Variants in FSTL5 observed in about 807,000 individuals in gnomAD.
FSTL5 encodes follistatin like 5, also known as follistatin-related protein 5.
FSTL5 carries 62 observed loss-of-function variants against 89.1 expected under a neutral mutation model. The ratio of observed to expected loss-of-function variants is 0.70; its 90% CI spans 0.57 to 0.86. FSTL5 has a LOEUF of 0.86. FSTL5 is among the 40% of genes least tolerant of loss of function. The probability of loss-of-function intolerance (pLI) is 0.00; values close to 1 mark genes in which losing one functional copy is unlikely to be tolerated. For synonymous variants in FSTL5, 383 were observed against 346.2 expected, an observed-to-expected ratio of 1.11 and a Z score of -1.18; for missense variants, 1,057 against 1,001.6, an observed-to-expected ratio of 1.06 and a Z score of -0.75.
chr4:161,897,375 C>A (rs1467840140), intron 4 of FSTL5, among the ~76,000 whole-genome samples: 1 of 150,788 alleles, frequency 6.6e-6, no homozygotes, highest in East Asian at 1.9e-4. Context: ...GATATGATAC[C>A]TACAACTTGT....
chr4:161,531,068 G>T (rs1186473034), intron 10 of FSTL5, among the ~76,000 whole-genome samples: 2 of 152,074 alleles, frequency 1.3e-5, no homozygotes, highest in African/African-American at 4.8e-5. Context: ...CTCCCTGTAT[G>T]TCACTCTATT....
rs565553948 is a variant in FSTL5 at position 161,491,323 on chromosome 4, C to T, written c.1458+8693G>A. 4.0e-5 allele frequency among the ~76,000 whole-genome samples: 6 copies of T among 151,886 alleles called. No homozygotes were observed. In the East Asian group the frequency reaches 7.8e-4, roughly 20 times the overall value. Reference sequence around the variant, plus strand: ...TCAAATAAGTTCAAAAGGGAGCTATCGGCTATTAGATATCTTTTGTGAAAT... The same window carrying T: ...TCAAATAAGTTCAAAAGGGAGCTATTGGCTATTAGATATCTTTTGTGAAAT... On this transcript the variant is annotated intron_variant, in intron 12 of 15. Coordinates refer to ENST00000306100, the MANE Select transcript of FSTL5 (RefSeq NM_020116.5).
At chr4:161,515,095 T>A (rs1184503650) in intron 10 of FSTL5, among the ~76,000 whole-genome samples, 3 of 152,172 alleles carry the variant, frequency 2.0e-5, no homozygotes, top group African/African-American at 7.2e-5. Flanking sequence ...ATTGTTATTA[T>A]CTGTTTAAAA....
chr4:161,650,142 G>A (rs1736286408), intron 7 of FSTL5, among the ~76,000 whole-genome samples: 2 of 152,092 alleles, frequency 1.3e-5, no homozygotes, highest in Non-Finnish European at 2.9e-5. Context: ...TTAGATAGAT[G>A]GAGAGAAGAA....
Position 161,992,953 on chromosome 4 carries a change from T to C in FSTL5, c.160+40672A>G, listed in dbSNP as rs1736177922. ...GTGTATATATATATGTGTGTATATC[T>C]ATATATATATGTGTGTATATATATA... On this transcript the variant is annotated intron_variant, in intron 3 of 15. Coordinates refer to ENST00000306100, the MANE Select transcript of FSTL5 (RefSeq NM_020116.5). 7.5e-4 allele frequency among the ~76,000 whole-genome samples: 5 copies of C among 6,680 alleles called. No homozygotes were observed. The Admixed American group carries it at 9.6e-3, about 13-fold the overall frequency. The allele number at this position is 6,680 out of a possible 152,430, so 4.4% of individuals were successfully genotyped here. A position where few individuals can be genotyped will look rare whatever the true frequency, so the allele number is the denominator to read the frequency against.
chr4:161,429,234 C>G (rs1299248935), intron 15 of FSTL5, among the ~76,000 whole-genome samples: 1 of 152,120 alleles, frequency 6.6e-6, no homozygotes, highest in Non-Finnish European at 1.5e-5. Context: ...GTTTTCCATG[C>G]TAGACCCTGG....
chr4:161,800,400 T>C lies in FSTL5; in HGVS notation c.410-24326A>G, dbSNP rs1227853470. Among the ~76,000 whole-genome samples, 5 of 151,700 alleles carry C rather than the reference T, an allele frequency of 3.3e-5. No homozygotes were observed. The East Asian group carries it at 7.7e-4, about 23-fold the overall frequency. ...GTCACTGTCAGCAGCTTTCACCACATGGCCTGGCCAATTTTCACCTTTCAT... is the reference window on the plus strand; with the variant it reads ...GTCACTGTCAGCAGCTTTCACCACACGGCCTGGCCAATTTTCACCTTTCAT... On this transcript the variant is annotated intron_variant, in intron 4 of 15. Coordinates refer to ENST00000306100, the MANE Select transcript of FSTL5 (RefSeq NM_020116.5).
rs184898615 is a variant in FSTL5 at position 161,643,869 on chromosome 4, G to C, written c.894+12459C>G. On this transcript the variant is annotated intron_variant, in intron 7 of 15. Transcript: ENST00000306100. Reference sequence around the variant, plus strand: ...GCAAAATTTTAAATAAGATAGTCCAGAAAAATTGAACAATGCATAACTGCA... The same window carrying C: ...GCAAAATTTTAAATAAGATAGTCCACAAAAATTGAACAATGCATAACTGCA... 7.3e-3 allele frequency among the ~76,000 whole-genome samples: 1,053 copies of C among 143,434 alleles called. 16 individuals carry two copies. Among genetic ancestry groups the C allele is most frequent in the South Asian group, 0.049 (224 of 4,582 alleles). The allele number at this position is 143,434 out of a possible 152,430, so 94.1% of individuals were successfully genotyped here.
chr4:161,775,846 A>C, intron 5 of FSTL5, 32 bp downstream of exon 5: 1 of 1,116,562 alleles, frequency 9.0e-7, no homozygotes, highest in South Asian at 2.0e-5. Flanking sequence ...GCTATATTTC[A>C]GTAAGTTTGT....
chr4:161,858,442 A>G (rs778035340), intron 4 of FSTL5, among the ~76,000 whole-genome samples: 25 of 152,188 alleles, frequency 1.6e-4, no homozygotes, highest in Non-Finnish European at 2.9e-4. Flanking sequence ...GCACTATGAT[A>G]GACACTGATG....
At chr4:161,750,742 T>A (rs1740365609) in intron 6 of FSTL5, among the ~76,000 whole-genome samples, 1 of 152,132 alleles carries the variant, frequency 6.6e-6, no homozygotes, top group African/African-American at 2.4e-5. Flanking sequence ...ATATGTGGAA[T>A]CTAAAAAGGT....
intron 4 of FSTL5, among the ~76,000 whole-genome samples, chr4:161,879,304 C>G (rs1327385006): frequency 6.6e-6 from 1 of 152,154 alleles, no homozygotes; most frequent in African/African-American, 2.4e-5. Flanking sequence ...AGTGTCTACA[C>G]CAACCCCTGT....
chr4:161,603,909 C>A (rs1373047053), intron 7 of FSTL5, among the ~76,000 whole-genome samples: 1 of 152,024 alleles, frequency 6.6e-6, no homozygotes, highest in Non-Finnish European at 1.5e-5. Flanking sequence ...TTTTACCTGG[C>A]TAAGGGAAAT....
chr4:161,898,790 C>A (rs146210998), intron 4 of FSTL5, among the ~76,000 whole-genome samples: 41 of 151,836 alleles, frequency 2.7e-4, no homozygotes, highest in African/African-American at 8.2e-4. Flanking sequence ...CCACCATGCC[C>A]GGCTAATTTT....
chr4:162,162,884 A>G (rs1546093), intron 1 of FSTL5, among the ~76,000 whole-genome samples: 80,053 of 151,928 alleles, frequency 0.53, 21,274 homozygotes, highest in Admixed American at 0.59. Flanking sequence ...TTAAATCAGA[A>G]CTTCCCATTT....
chr4:162,156,582 G>A (rs570094080), intron 1 of FSTL5, among the ~76,000 whole-genome samples: 2 of 152,282 alleles, frequency 1.3e-5, no homozygotes, highest in Middle Eastern at 6.8e-3. Flanking sequence ...ATAAGATCAT[G>A]TCCTGTGCAG....
intron 1 of FSTL5, among the ~76,000 whole-genome samples, chr4:162,138,327 G>A (rs999982191): frequency 5.3e-5 from 8 of 151,018 alleles, no homozygotes; most frequent in African/African-American, 2.0e-4. Context: ...TAGTTTGATT[G>A]GTAGTTATTG....
At chr4:161,981,991 AATTCTC>A (rs1407185503) in intron 3 of FSTL5, among the ~76,000 whole-genome samples, 1 of 152,178 alleles carries the variant, frequency 6.6e-6, no homozygotes, top group African/African-American at 2.4e-5. Flanking sequence ...TTTATTATAA[AATTCTC>A]AAAAAATCTA....
chr4:162,158,456 A>G (rs1733568159), intron 1 of FSTL5, among the ~76,000 whole-genome samples: 1 of 152,086 alleles, frequency 6.6e-6, no homozygotes, highest in African/African-American at 2.4e-5. Context: ...TCAATGACTT[A>G]ATAATTAAGG....
Sources: allele counts gnomAD v4.1 joint callset (sites outside exome capture counted in the v4.1 genomes callset), GRCh38; gene constraint gnomAD v4.1.1; transcripts MANE v1.5; gene names NCBI Gene and HGNC (gene_info 2026-07-23, HGNC 2026-07-21).